Variants in EPHA6 observed in about 807,000 individuals in gnomAD.
EPHA6 encodes the protein EPH receptor A6, also known as ephrin type-A receptor 6.
A neutral mutation model predicts 112.0 loss-of-function variants in EPHA6; 50 were observed. The observed-to-expected ratio is 0.45, with a 90% CI of 0.36 to 0.56. The LOEUF is 0.56. Among genes scored for constraint, EPHA6 ranks in the 20% least tolerant of loss-of-function variants. EPHA6 has a pLI of 0.00. For missense variants in EPHA6, 1,280 were observed against 1,417.4 expected (o/e 0.90, Z 1.56); for synonymous variants, 529 against 490.7 (o/e 1.08, Z -1.03).
intron 3 of EPHA6, among the ~76,000 whole-genome samples, chr3:97,172,836 G>A (rs552932555): frequency 1.3e-5 from 2 of 152,032 alleles, no homozygotes; most frequent in African/African-American, 2.4e-5. Flanking sequence ...CAAATGACCG[G>A]TTACAAAGCA....
chr3:97,158,548 T>C (rs963483684), intron 3 of EPHA6, among the ~76,000 whole-genome samples: 2 of 152,130 alleles, frequency 1.3e-5, no homozygotes, highest in Admixed American at 6.6e-5. Flanking sequence ...GGTCTATGCC[T>C]TTTTCTGGAG....
intron 5 of EPHA6, among the ~76,000 whole-genome samples, chr3:97,341,978 A>T (rs1281828133): frequency 6.6e-6 from 1 of 152,234 alleles, no homozygotes; most frequent in African/African-American, 2.4e-5. Flanking sequence ...TATAGAAGGC[A>T]CATTTTGGAT....
At chr3:97,321,706 C>A (rs1013349116) in intron 5 of EPHA6, among the ~76,000 whole-genome samples, 8 of 151,702 alleles carry the variant, frequency 5.3e-5, no homozygotes, top group African/African-American at 1.9e-4. Flanking sequence ...CCAGGGACTT[C>A]TATTGAATTG....
At chr3:97,563,132 G>A (rs985321444) in intron 11 of EPHA6, among the ~76,000 whole-genome samples, 5 of 152,050 alleles carry the variant, frequency 3.3e-5, no homozygotes, top group African/African-American at 9.7e-5. Flanking sequence ...TATCTCTGAG[G>A]TATTCTTGTA....
chr3:97,731,740 A>C (rs553927917), intron 15 of EPHA6, among the ~76,000 whole-genome samples: 2 of 152,214 alleles, frequency 1.3e-5, no homozygotes, highest in African/African-American at 2.4e-5. Context: ...CTTGACACAT[A>C]ATAAACTCTC....
chr3:97,652,236 T>C (rs936011271), intron 14 of EPHA6, among the ~76,000 whole-genome samples: 1 of 152,068 alleles, frequency 6.6e-6, no homozygotes, highest in African/African-American at 2.4e-5. Flanking sequence ...ACATGATAAA[T>C]ACCAGACAAA....
chr3:97,548,442 A>T (rs73851925), intron 11 of EPHA6, among the ~76,000 whole-genome samples: 3,189 of 152,228 alleles, frequency 0.021, 80 homozygotes, highest in African/African-American at 0.064. Flanking sequence ...TTGGGGAGGG[A>T]TAATTTAGGC....
intron 3 of EPHA6, among the ~76,000 whole-genome samples, chr3:97,010,870 A>G (rs993111428): frequency 1.3e-5 from 2 of 152,162 alleles, no homozygotes; most frequent in African/African-American, 2.4e-5. Context: ...AAAGCTTTCA[A>G]TAGAGGATTT....
chr3:97,599,751 C>T (rs1370585614), intron 12 of EPHA6, among the ~76,000 whole-genome samples: 1 of 152,172 alleles, frequency 6.6e-6, no homozygotes, highest in Non-Finnish European at 1.5e-5. Flanking sequence ...GTGATGCGGG[C>T]TCCTTTTTGG....
intron 14 of EPHA6, among the ~76,000 whole-genome samples, chr3:97,667,477 A>G (rs1280192022): frequency 6.6e-6 from 1 of 152,198 alleles, no homozygotes; most frequent in Non-Finnish European, 1.5e-5. Context: ...ACCATTCAGC[A>G]TGGAAGGGTG....
intron 6 of EPHA6, among the ~76,000 whole-genome samples, chr3:97,443,607 A>C (rs1234733441): frequency 3.3e-5 from 5 of 152,118 alleles, no homozygotes; most frequent in Non-Finnish European, 5.9e-5. Context: ...TATATTACTT[A>C]ATATCTGCCT....
chr3:97,541,919 TCA>T (rs2092861561), intron 11 of EPHA6, among the ~76,000 whole-genome samples: 1 of 151,598 alleles, frequency 6.6e-6, no homozygotes, highest in Non-Finnish European at 1.5e-5. Flanking sequence ...AAGTATTAAC[TCA>T]CATGATTAGA....
intron 5 of EPHA6, among the ~76,000 whole-genome samples, chr3:97,349,552 C>T (rs2083698953): frequency 1.3e-5 from 2 of 151,970 alleles, no homozygotes; most frequent in South Asian, 2.1e-4. Flanking sequence ...TATGCATTCC[C>T]TTTGTGGTTT....
At chr3:96,878,177 A>G (rs1055869989) in intron 2 of EPHA6, among the ~76,000 whole-genome samples, 2 of 152,022 alleles carry the variant, frequency 1.3e-5, no homozygotes, top group African/African-American at 4.8e-5. Context: ...TACAGCCACC[A>G]TATTATAGTT....
intron 3 of EPHA6, among the ~76,000 whole-genome samples, chr3:97,130,178 T>A (rs915084864): frequency 1.3e-5 from 2 of 152,156 alleles, no homozygotes; most frequent in African/African-American, 2.4e-5. Context: ...TCATTTCTGA[T>A]AACAACTTTT....
chr3:97,689,303 G>A (rs2032484791), intron 14 of EPHA6, among the ~76,000 whole-genome samples: 1 of 152,204 alleles, frequency 6.6e-6, no homozygotes, highest in South Asian at 2.1e-4. Context: ...AGGAGATGTG[G>A]TACTGCCAAT....
intron 10 of EPHA6, among the ~76,000 whole-genome samples, chr3:97,517,382 G>A (rs951380194): frequency 6.6e-6 from 1 of 152,124 alleles, no homozygotes; most frequent in Middle Eastern, 3.4e-3. Flanking sequence ...AAAGAAGCAG[G>A]GGTTTGCTCT....
intron 14 of EPHA6, among the ~76,000 whole-genome samples, chr3:97,676,843 G>C (rs1488987665): frequency 6.6e-6 from 1 of 152,092 alleles, no homozygotes; most frequent in Non-Finnish European, 1.5e-5. Flanking sequence ...CATCATGTTG[G>C]AGATGTAATC....
At chr3:96,929,710 G>C (rs900758325) in intron 2 of EPHA6, among the ~76,000 whole-genome samples, 5 of 152,070 alleles carry the variant, frequency 3.3e-5, no homozygotes, top group African/African-American at 1.2e-4. Context: ...TGTTGGGGTC[G>C]ATCTTCTTGT....
Sources: gnomAD v4.1 joint callset for allele counts (sites outside exome capture counted in the v4.1 genomes callset) on GRCh38, gnomAD v4.1.1 for gene constraint, MANE v1.5 for transcripts, NCBI Gene and HGNC (gene_info 2026-07-23, HGNC 2026-07-21) for gene names.